Variants in RIMBP2 observed in about 807,000 individuals in gnomAD.
RIMBP2 encodes the protein RIMS binding protein 2.
In RIMBP2, 48 loss-of-function variants were observed where a neutral mutation model predicts 118.6. The ratio of observed to expected loss-of-function variants is 0.40; its 90% CI spans 0.32 to 0.51. The LOEUF (loss-of-function observed/expected upper bound fraction) is 0.51, where lower values mean the gene tolerates loss of function less well. Ranked by LOEUF, RIMBP2 falls within the 20% of genes least tolerant of loss-of-function variation. The pLI, the probability that RIMBP2 is intolerant of heterozygous loss-of-function variation, is 0.41. For missense variants in RIMBP2, 1,551 were observed against 1,768.3 expected (o/e 0.88, Z 2.20); for synonymous variants, 762 against 742.9 (o/e 1.03, Z -0.42).
chr12:130,562,894 C>T lies in RIMBP2; in HGVS notation c.-216-44977G>A, dbSNP rs1484416429. ...TCAAGAGTGAAGGGAATTTGAAAGG[C>T]AGGGGAAAATCACTGAGCTGGGAGT... is the stretch of plus-strand genomic sequence containing the variant. On this transcript the variant is annotated intron_variant, in intron 2 of 22. Transcript: ENST00000690449. Among the ~76,000 whole-genome samples the T allele has an allele frequency of 2.6e-5, 4 of 152,144 alleles. No homozygotes were observed. In the East Asian group the frequency reaches 7.7e-4, roughly 29 times the overall value.
intron 4 of RIMBP2, among the ~76,000 whole-genome samples, chr12:130,485,071 C>T (rs992731281): frequency 1.4e-5 from 2 of 140,466 alleles, no homozygotes; most frequent in South Asian, 2.6e-4. Flanking sequence ...TCCCACTGGA[C>T]GTGTGTAGCC....
chr12:130,410,057 C>T (rs1316481589), intron 19 of RIMBP2, among the ~76,000 whole-genome samples: 2 of 152,266 alleles, frequency 1.3e-5, no homozygotes, highest in Non-Finnish European at 2.9e-5. Flanking sequence ...ACACCTGCGA[C>T]GGCCAGCCGT....
chr12:130,681,230 G>C (rs1457711640), intron 1 of RIMBP2, among the ~76,000 whole-genome samples: 1 of 151,854 alleles, frequency 6.6e-6, no homozygotes, highest in Non-Finnish European at 1.5e-5. Context: ...GATCACTTGA[G>C]GTCAGGAGTT....
intron 7 of RIMBP2, among the ~76,000 whole-genome samples, chr12:130,452,754 C>T (rs571333613): frequency 2.0e-5 from 3 of 152,276 alleles, no homozygotes; most frequent in South Asian, 4.1e-4. Flanking sequence ...CCTGGGGGGC[C>T]GCGTGTGACT....
At chr12:130,570,066 A>C in intron 2 of RIMBP2, among the ~76,000 whole-genome samples, 1 of 152,156 alleles carries the variant, frequency 6.6e-6, no homozygotes, top group Non-Finnish European at 1.5e-5. Context: ...ATACCAAAGC[A>C]CAGCCCGGAT....
At position 130,424,203 on chromosome 12, in the gene RIMBP2, G is replaced by A. The variant is rs1046045820; in HGVS notation, c.3068C>T (p.Pro1023Leu). Residue 1023 changes from proline (P) to leucine (L), a missense_variant, in exon 16 of 23, where the codon CCC (proline) becomes CTC (leucine). Physicochemically the swap from Pro to Leu is moderately conservative, Grantham distance 98. Coordinates refer to ENST00000690449, the MANE Select transcript of RIMBP2 (RefSeq NM_001393629.1). This position sits in a 1 kb window ranked among gnomAD's most constrained non-coding sequence, Gnocchi z 9.8. ...RGVWKKSITM[P>L]DSRAAAPHAK... Reference sequence around the variant, plus strand: ...GTGGGGGGCAGCTGCCCTACTGTCGGGCATGGTTATGCTTTTCTTCCAGAC... The same window carrying A: ...GTGGGGGGCAGCTGCCCTACTGTCGAGCATGGTTATGCTTTTCTTCCAGAC... 1.1e-5 allele frequency: 13 copies of A among 1,231,890 alleles called. No individual in the cohort carries two copies. Among genetic ancestry groups the A allele is most frequent in the Non-Finnish European group, 1.3e-5 (13 of 987,966 alleles). 76.3% of individuals were successfully genotyped at this position (1,231,890 alleles called of 1,614,324 possible). A position where few individuals can be genotyped will look rare whatever the true frequency, so the allele number is the denominator to read the frequency against.
At chr12:130,484,016 A>G (rs1271066384) in intron 4 of RIMBP2, among the ~76,000 whole-genome samples, 1 of 152,120 alleles carries the variant, frequency 6.6e-6, no homozygotes, top group East Asian at 1.9e-4. Context: ...AAGTTCCCCC[A>G]GGCACTGGCT....
At chr12:130,568,939 C>A (rs1861363255) in intron 2 of RIMBP2, among the ~76,000 whole-genome samples, 1 of 152,110 alleles carries the variant, frequency 6.6e-6, no homozygotes, top group African/African-American at 2.4e-5. Flanking sequence ...GTGCCCTCCT[C>A]ACACAGCCAT....
intron 2 of RIMBP2, among the ~76,000 whole-genome samples, chr12:130,524,888 G>C (rs531939510): frequency 6.6e-6 from 1 of 152,212 alleles, no homozygotes; most frequent in Non-Finnish European, 1.5e-5. Context: ...TGCAGAGGCA[G>C]GGAGGAGGGA....
intron 1 of RIMBP2, among the ~76,000 whole-genome samples, chr12:130,664,415 A>ACACGCACGCACACGCACG (rs1555320883): frequency 1.5e-5 from 2 of 130,590 alleles, no homozygotes; most frequent in East Asian, 2.3e-4. Flanking sequence ...ACGCACGCAC[A>ACACGCACGCACACGCACG]CACACGCACA....
At chr12:130,515,491 A>G (rs56238964) in intron 3 of RIMBP2, among the ~76,000 whole-genome samples, 11,503 of 152,192 alleles carry the variant, frequency 0.076, 472 homozygotes, top group South Asian at 0.15. Context: ...GGACTGGCTT[A>G]TTCACTTAGC....
intron 17 of RIMBP2, among the ~76,000 whole-genome samples, chr12:130,421,847 G>GAT (rs1165555070): frequency 2.6e-5 from 4 of 152,292 alleles, no homozygotes; most frequent in Admixed American, 2.6e-4. Flanking sequence ...TCCATGGATT[G>GAT]ATTAGGATGA....
At chr12:130,668,360 C>T (rs906553091) in intron 1 of RIMBP2, 8 of 152,250 alleles carry the variant, frequency 5.3e-5, no homozygotes, top group Non-Finnish European at 5.9e-5. Context: ...GATACAGGGC[C>T]TGTGGCTGAG....
intron 6 of RIMBP2, chr12:130,464,876 C>G (rs888222201): frequency 6.6e-6 from 1 of 152,274 alleles, no homozygotes; most frequent in Non-Finnish European, 1.5e-5. Context: ...TGGTTCCCTG[C>G]AGGCCGAGCA....
chr12:130,648,016 CAT>C lies in RIMBP2; in HGVS notation c.-351-19562_-351-19561del, dbSNP rs1491460281. ...ACACATGCACACACGTGTGCACACA[CAT>C]GTGAACACACGTGTGTACACACCCG... On this transcript the variant is annotated intron_variant, in intron 1 of 22. Transcript: ENST00000690449. 5.5e-5 allele frequency among the ~76,000 whole-genome samples: 8 copies of C among 146,516 alleles called. 2 individuals carry two copies. Among genetic ancestry groups the C allele is most frequent in the Non-Finnish European group, 7.7e-5 (5 of 64,588 alleles).
rs551946345 is a variant in RIMBP2 at position 130,438,488 on chromosome 12, G to A, written c.1533C>T (p.Thr511=). 6.2e-6 allele frequency: 10 copies of A among 1,610,230 alleles called. No individual in the cohort carries two copies. The highest frequency in any genetic ancestry group is 3.3e-5 in the South Asian group (3 of 90,454). The change falls in exon 12 of 23, where the codon ACC becomes ACT. Residue 511 remains threonine, a synonymous_variant. Coordinates refer to ENST00000690449, the MANE Select transcript of RIMBP2 (RefSeq NM_001393629.1). ...AGPPAPPQDV[T]VQAGVTPATI... is the part of the protein sequence containing the mutation. ...TGGCGGGGGTCACCCCAGCCTGGAC[G>A]GTAACATCTTGTGGGGGTGCTGGGG...
At chr12:130,470,979 T>C (rs1223135649) in intron 5 of RIMBP2, among the ~76,000 whole-genome samples, 1 of 152,234 alleles carries the variant, frequency 6.6e-6, no homozygotes, top group African/African-American at 2.4e-5. Flanking sequence ...AGATTATTTC[T>C]TCACCCAGGT....
rs1270561589 is a variant in RIMBP2, at chr12:130,620,660, T to C, written c.-217+7662A>G. ...GACATTCTTGGTACTTCGTGGCTCC[T>C]AGAAGCACCACCCCAATCCCTGCCA... On this transcript the variant is annotated intron_variant, in intron 2 of 22. Coordinates refer to ENST00000690449, the MANE Select transcript of RIMBP2 (RefSeq NM_001393629.1). This position sits in a 1 kb window ranked among gnomAD's most constrained non-coding sequence, Gnocchi z 5.3. Among the ~76,000 whole-genome samples, 2 of 152,242 alleles carry C rather than the reference T, an allele frequency of 1.3e-5. No individual in the cohort carries two copies. Among genetic ancestry groups the C allele is most frequent in the East Asian group, 3.9e-4 (2 of 5,170 alleles).
chr12:130,447,788 G>T lies in RIMBP2; in HGVS notation c.581+2412C>A, dbSNP rs1021813461. ...CCTCAGCAAGGCGTTCCCCACGGCG[G>T]AGGCTGCACCAGATGGAAGGGAGGA... On this transcript the variant is annotated intron_variant, in intron 9 of 22. Coordinates refer to ENST00000690449, the MANE Select transcript of RIMBP2 (RefSeq NM_001393629.1). The surrounding 1 kb of genome is among the most constrained non-coding windows in gnomAD (Gnocchi z 4.4). 3.3e-5 allele frequency among the ~76,000 whole-genome samples: 5 copies of T among 152,180 alleles called. No individual in the cohort carries two copies. The highest frequency in any genetic ancestry group is 1.2e-4 in the African/African-American group (5 of 41,448).
Sources: gnomAD v4.1 joint callset for allele counts (sites outside exome capture counted in the v4.1 genomes callset) on GRCh38, gnomAD v4.1.1 for gene constraint, Gnocchi (gnomAD v3.1) non-coding constraint, MANE v1.5 for transcripts, NCBI Gene and HGNC (gene_info 2026-07-23, HGNC 2026-07-21) for gene names.